Variants in GRIA1 observed in about 807,000 individuals in gnomAD.
GRIA1 encodes glutamate receptor 1.
Under a neutral mutation model 99.2 loss-of-function variants are expected in GRIA1, and 31 were observed. The observed-to-expected ratio is 0.31, with a 90% CI of 0.23 to 0.42. The LOEUF (loss-of-function observed/expected upper bound fraction) is 0.42. GRIA1 is among the 10% of genes least tolerant of loss of function. The pLI is 1.00. For synonymous variants in GRIA1, 438 were observed against 432.4 expected (o/e 1.01, Z -0.16); for missense variants, 782 against 1,157.5 (o/e 0.68, Z 4.71).
chr5:153,701,126 T>A (rs950809794), intron 10 of GRIA1, among the ~76,000 whole-genome samples: 1 of 152,190 alleles, frequency 6.6e-6, no homozygotes, highest in Non-Finnish European at 1.5e-5. Context: ...CTTCACCTCA[T>A]GTAATGTGGT....
At chr5:153,559,340 T>C (rs13164049) in intron 2 of GRIA1, among the ~76,000 whole-genome samples, 20,023 of 152,014 alleles carry the variant, frequency 0.13, 1,495 homozygotes, top group South Asian at 0.24. Context: ...CCAGGGAGGG[T>C]GTTTATCAAG....
At chr5:153,717,797 G>T (rs1302729006) in intron 11 of GRIA1, among the ~76,000 whole-genome samples, 2 of 152,158 alleles carry the variant, frequency 1.3e-5, no homozygotes, top group Non-Finnish European at 2.9e-5. Flanking sequence ...TAACTTCTGG[G>T]ATTCAAAGGG....
chr5:153,608,297 T>C (rs1765632803), intron 2 of GRIA1, among the ~76,000 whole-genome samples: 1 of 152,234 alleles, frequency 6.6e-6, no homozygotes, highest in Non-Finnish European at 1.5e-5. Flanking sequence ...TGATGTCTTT[T>C]GTCAGGTTTG....
At chr5:153,782,934 TGA>T (rs1764730044) in intron 13 of GRIA1, among the ~76,000 whole-genome samples, 1 of 152,084 alleles carries the variant, frequency 6.6e-6, no homozygotes, top group Admixed American at 6.6e-5. Flanking sequence ...CCATTATAAA[TGA>T]GAGATACAGT....
intron 8 of GRIA1, among the ~76,000 whole-genome samples, chr5:153,690,571 C>T (rs1369347563): frequency 1.3e-5 from 2 of 152,192 alleles, no homozygotes; most frequent in Non-Finnish European, 2.9e-5. Flanking sequence ...ATTCAGCCCA[C>T]ATTTGTTTAC....
chr5:153,541,102 A>T (rs1002830595), intron 2 of GRIA1, among the ~76,000 whole-genome samples: 4 of 152,128 alleles, frequency 2.6e-5, no homozygotes, highest in African/African-American at 7.2e-5. Flanking sequence ...TTCATTTTGC[A>T]TGTGCCTAAT....
intron 2 of GRIA1, among the ~76,000 whole-genome samples, chr5:153,611,893 C>T (rs1766022122): frequency 6.6e-6 from 1 of 152,216 alleles, no homozygotes; most frequent in Non-Finnish European, 1.5e-5. Context: ...CTCTGGGAAG[C>T]AGTGTGTTCT....
At chr5:153,740,547 C>T (rs1761709961) in intron 11 of GRIA1, among the ~76,000 whole-genome samples, 1 of 152,208 alleles carries the variant, frequency 6.6e-6, no homozygotes, top group Non-Finnish European at 1.5e-5. Flanking sequence ...TTTTCTGACT[C>T]AAGCTCTTCA....
upstream of GRIA1, chr5:153,489,963 A>C (rs1418233627): frequency 1.7e-5 from 7 of 405,598 alleles, no homozygotes; most frequent in African/African-American, 1.5e-4. Context: ...CCACCGTTTC[A>C]CTTGTAAAGG....
At chr5:153,783,250 G>T (rs1764753630) in intron 13 of GRIA1, among the ~76,000 whole-genome samples, 1 of 152,204 alleles carries the variant, frequency 6.6e-6, no homozygotes, top group African/African-American at 2.4e-5. Context: ...AGACCAGTGA[G>T]CTGGCTCTTG....
At chr5:153,528,162 G>T (rs547047) in intron 2 of GRIA1, among the ~76,000 whole-genome samples, 53,718 of 151,950 alleles carry the variant, frequency 0.35, 9,886 homozygotes, top group African/African-American at 0.46. Flanking sequence ...GCATTTTTAT[G>T]TTTCTCAAAA....
chr5:153,580,141 T>C (rs1355157580), intron 2 of GRIA1, among the ~76,000 whole-genome samples: 1 of 152,158 alleles, frequency 6.6e-6, no homozygotes, highest in East Asian at 1.9e-4. Flanking sequence ...CTAAGGTGGA[T>C]GGAGATAATG....
At chr5:153,581,657 A>G (rs1004096531) in intron 2 of GRIA1, among the ~76,000 whole-genome samples, 3 of 151,532 alleles carry the variant, frequency 2.0e-5, no homozygotes, top group African/African-American at 7.3e-5. Context: ...CCCTCTGTAC[A>G]TCTCCATTAC....
intron 11 of GRIA1, among the ~76,000 whole-genome samples, chr5:153,738,580 T>A (rs1761551580): frequency 6.6e-6 from 1 of 152,100 alleles, no homozygotes; most frequent in South Asian, 2.1e-4. Context: ...CTGCATCCAA[T>A]CAATCTTCAA....
chr5:153,809,767 C>T (rs1766684897), intron 15 of GRIA1, among the ~76,000 whole-genome samples: 1 of 152,216 alleles, frequency 6.6e-6, no homozygotes, highest in Non-Finnish European at 1.5e-5. Flanking sequence ...AAAACTTATA[C>T]ACTGGAGGCA....
At chr5:153,723,996 C>A (rs941308429) in intron 11 of GRIA1, among the ~76,000 whole-genome samples, 1 of 152,228 alleles carries the variant, frequency 6.6e-6, no homozygotes, top group Non-Finnish European at 1.5e-5. Context: ...AGGCGCCCCC[C>A]AGTAGGGGCA....
intron 13 of GRIA1, among the ~76,000 whole-genome samples, chr5:153,770,789 T>A (rs1763835459): frequency 6.6e-6 from 1 of 152,242 alleles, no homozygotes; most frequent in African/African-American, 2.4e-5. Flanking sequence ...GCAACCTGAA[T>A]TCTTTGACAG....
intron 10 of GRIA1, among the ~76,000 whole-genome samples, chr5:153,703,807 C>T (rs1385467969): frequency 6.6e-6 from 1 of 152,194 alleles, no homozygotes; most frequent in African/African-American, 2.4e-5. Flanking sequence ...CATTAGGAAG[C>T]ATCCAACAAA....
intron 2 of GRIA1, among the ~76,000 whole-genome samples, chr5:153,534,449 T>G (rs528050416): frequency 6.6e-6 from 1 of 152,320 alleles, no homozygotes; most frequent in African/African-American, 2.4e-5. Flanking sequence ...AACGGCCAAC[T>G]AAGGTAGTAA....
Sources: gnomAD v4.1 joint callset for allele counts (sites outside exome capture counted in the v4.1 genomes callset) on GRCh38, gnomAD v4.1.1 for gene constraint, MANE v1.5 for transcripts, NCBI Gene and HGNC (gene_info 2026-07-23, HGNC 2026-07-21) for gene names.